Variants in PGR observed in about 807,000 individuals in gnomAD.
The protein encoded by PGR is progesterone receptor.
Under a neutral mutation model 76.1 loss-of-function variants are expected in PGR, and 25 were observed. The observed-to-expected ratio is 0.33, with a 90% CI of 0.24 to 0.46. PGR has a LOEUF of 0.46. Among genes scored for constraint, PGR ranks in the 20% least tolerant of loss-of-function variants. PGR has a pLI of 1.00. For missense variants in PGR, 1,172 were observed against 1,225.3 expected (o/e 0.96, Z 0.65); for synonymous variants, 579 against 535.0 (o/e 1.08, Z -1.14).
At chr11:101,125,952 A>G in intron 2 of PGR, 55 bp downstream of exon 2, 1 of 1,418,562 alleles carries the variant, frequency 7.0e-7, no homozygotes. Context: ...ACAATATTAG[A>G]TGGTCTCCAT....
Position 101,096,812 on chromosome 11 carries a change from C to A in PGR, c.1790-4936G>T, listed in dbSNP as rs1373868209. On this transcript the variant is annotated intron_variant, in intron 2 of 7. Transcript: ENST00000325455. ...TGATGGCTCAAATTGCGTATTATTT[C>A]TTCTCCTCAGTCCAACATAACATTG... Among the ~76,000 whole-genome samples the A allele has an allele frequency of 1.3e-5, 2 of 152,196 alleles. 1 individual carries two copies. Among genetic ancestry groups the A allele is most frequent in the Admixed American group, 1.3e-4 (2 of 15,278 alleles).
chr11:101,093,359 A>G (rs1467429220), intron 2 of PGR, among the ~76,000 whole-genome samples: 2 of 151,768 alleles, frequency 1.3e-5, no homozygotes, highest in Non-Finnish European at 2.9e-5. Flanking sequence ...TATAGGAGTG[A>G]CTGTGAGAGC....
chr11:101,071,609 T>C (rs1034529542), intron 3 of PGR, among the ~76,000 whole-genome samples: 4 of 151,698 alleles, frequency 2.6e-5, no homozygotes, highest in African/African-American at 4.8e-5. Flanking sequence ...CTACCTAGAA[T>C]AACCATTTTA....
intron 2 of PGR, among the ~76,000 whole-genome samples, chr11:101,096,028 A>AT (rs1234965216): frequency 6.6e-6 from 1 of 152,226 alleles, no homozygotes; most frequent in African/African-American, 2.4e-5. Flanking sequence ...GAGACTGATG[A>AT]TAAGTACCAA....
chr11:101,034,081 T>C lies in PGR; in HGVS notation c.*5035A>G, dbSNP rs915000796. The C allele has an allele frequency of 1.5e-4, 35 of 231,500 alleles. No individual in the cohort carries two copies. Among genetic ancestry groups the C allele is most frequent in the Non-Finnish European group, 2.6e-4 (31 of 117,040 alleles). 14.3% of individuals were successfully genotyped at this position (231,500 alleles called of 1,614,324 possible). On this transcript the variant is annotated 3_prime_UTR_variant, in exon 8 of 8. Transcript: ENST00000325455. The stretch of plus-strand genomic sequence containing the variant: ...TTACCGTAATGGACAGAGTATGCTT[T>C]CTTAGCTGCCTGATTCACATTTCTC...
At chr11:101,076,573 A>T (rs1861135173) in intron 3 of PGR, among the ~76,000 whole-genome samples, 1 of 152,112 alleles carries the variant, frequency 6.6e-6, no homozygotes, top group South Asian at 2.1e-4. Context: ...TCTAGGAAAC[A>T]GTATTGCACA....
At chr11:101,093,526 T>C (rs974100017) in intron 2 of PGR, among the ~76,000 whole-genome samples, 23 of 152,270 alleles carry the variant, frequency 1.5e-4, no homozygotes, top group Admixed American at 1.2e-3. Context: ...AAAGGCACAG[T>C]CTCGGCTCAC....
At chr11:101,087,935 G>A (rs61890996) in intron 3 of PGR, among the ~76,000 whole-genome samples, 393 of 152,196 alleles carry the variant, frequency 2.6e-3, no homozygotes, top group Admixed American at 5.4e-3. Flanking sequence ...CAGGCATGGT[G>A]GCTCACACCT....
chr11:101,090,089 T>G (rs1489428403), intron 3 of PGR, among the ~76,000 whole-genome samples: 4 of 151,866 alleles, frequency 2.6e-5, no homozygotes, highest in Non-Finnish European at 4.4e-5. Flanking sequence ...TACCAGCTAC[T>G]TGGGAGGTTG....
At chr11:101,127,020 C>A (rs1013553740) in intron 1 of PGR, 2 of 153,466 alleles carry the variant, frequency 1.3e-5, no homozygotes, top group Non-Finnish European at 2.9e-5. Context: ...TCCTGGTAAA[C>A]GTCCTTCTTC....
chr11:101,097,940 C>T (rs906219857), intron 2 of PGR, among the ~76,000 whole-genome samples: 1 of 151,976 alleles, frequency 6.6e-6, no homozygotes, highest in Non-Finnish European at 1.5e-5. Context: ...CCACGTCTGG[C>T]TAATTTTTTG....
chr11:101,075,913 T>G (rs1306696861), intron 3 of PGR, among the ~76,000 whole-genome samples: 1 of 152,212 alleles, frequency 6.6e-6, no homozygotes, highest in Non-Finnish European at 1.5e-5. Context: ...AGTGTGGTGA[T>G]TCCTCAAGGA....
At chr11:101,101,990 G>A (rs984345476) in intron 2 of PGR, among the ~76,000 whole-genome samples, 3 of 151,996 alleles carry the variant, frequency 2.0e-5, no homozygotes, top group African/African-American at 4.8e-5. Context: ...TTGTCAAAAC[G>A]TTTAACTGGC....
chr11:101,030,392 A>G lies in PGR; in HGVS notation c.*8724T>C, dbSNP rs1385544964. 1 of 229,152 alleles carries G rather than the reference A, an allele frequency of 4.4e-6. No homozygotes were observed. The highest frequency in any genetic ancestry group is 2.2e-5 in the African/African-American group (1 of 45,120). 14.2% of individuals were successfully genotyped at this position (229,152 alleles called of 1,614,324 possible). A position where few individuals can be genotyped will look rare whatever the true frequency, so the allele number is the denominator to read the frequency against. ...TGTGATGATATCGTTAAAATACATG[A>G]TCACTTAATTTTTACAGTTTTGCAT... On this transcript the variant is annotated 3_prime_UTR_variant, in exon 8 of 8. Transcript: ENST00000325455.
At position 101,127,327 on chromosome 11, in the gene PGR, G is replaced by T. The variant is rs1862872443; in HGVS notation, c.1637+107C>A. Reference sequence around the variant, plus strand: ...CTGCCCACCCTCTCCGGCCGCCCCGGGGAGCGCAGCGGTGCGCTGGGGCTG... The same window carrying T: ...CTGCCCACCCTCTCCGGCCGCCCCGTGGAGCGCAGCGGTGCGCTGGGGCTG... On this transcript the variant is annotated intron_variant, in intron 1 of 7. Transcript: ENST00000325455. 6.1e-6 allele frequency: 5 copies of T among 818,904 alleles called. No homozygotes were observed. In the South Asian group the frequency reaches 9.0e-5, roughly 15 times the overall value. The allele number at this position is 818,904 out of a possible 1,614,324, so 50.7% of individuals were successfully genotyped here.
intron 2 of PGR, among the ~76,000 whole-genome samples, chr11:101,106,574 G>A (rs1255707259): frequency 2.0e-5 from 3 of 152,200 alleles, no homozygotes; most frequent in Non-Finnish European, 4.4e-5. Context: ...AACAGATGCT[G>A]GAGAGGATGT....
chr11:101,091,656 GA>G, intron 3 of PGR, 103 bp downstream of exon 3: 1 of 751,514 alleles, frequency 1.3e-6, no homozygotes, highest in South Asian at 1.4e-5. Flanking sequence ...AATCAAGACA[GA>G]AAAAACAAAA....
intron 6 of PGR, among the ~76,000 whole-genome samples, chr11:101,045,008 T>A (rs1247074424): frequency 6.6e-6 from 1 of 152,014 alleles, no homozygotes; most frequent in Non-Finnish European, 1.5e-5. Context: ...TGCCCAGCCT[T>A]GGCCTAATTC....
chr11:101,046,893 C>T (rs504402), intron 6 of PGR, among the ~76,000 whole-genome samples: 46,194 of 151,756 alleles, frequency 0.3, 7,744 homozygotes, highest in African/African-American at 0.47. Flanking sequence ...TATTAATTAA[C>T]AGCAGCTTTC....
Sources: gnomAD v4.1 joint callset for allele counts (sites outside exome capture counted in the v4.1 genomes callset) on GRCh38, gnomAD v4.1.1 for gene constraint, MANE v1.5 for transcripts, NCBI Gene and HGNC (gene_info 2026-07-23, HGNC 2026-07-21) for gene names.